GSDME: variants seen among roughly 807,000 people sequenced by gnomAD.
GSDME encodes the protein gasdermin E, also known as gasdermin-E.
In GSDME, 44 loss-of-function variants were observed where a neutral mutation model predicts 47.5. That is an observed-to-expected ratio of 0.93 (90% CI 0.73 to 1.19). GSDME has a LOEUF of 1.19. Among genes scored for constraint, GSDME ranks in the 50% most tolerant of loss-of-function variants. The probability of loss-of-function intolerance (pLI) is 0.00; values close to 1 mark genes in which losing one functional copy is unlikely to be tolerated. For missense variants in GSDME, 663 were observed against 604.2 expected (o/e 1.10, Z -1.02); for synonymous variants, 258 against 252.8 (o/e 1.02, Z -0.20).
Position 24,698,913 on chromosome 7 carries a change from T to TA in GSDME, c.*112dup, listed in dbSNP as rs1404467111. On this transcript the variant is annotated 3_prime_UTR_variant, in exon 10 of 10. Transcript: ENST00000645220. ...CATCATGCAAAATGTCACCACTTCTTAAACTGTTCTGTAAATTCATTTCAT... is the reference window on the plus strand; with the variant it reads ...CATCATGCAAAATGTCACCACTTCTTAAAACTGTTCTGTAAATTCATTTCAT... 6.1e-6 allele frequency: 5 copies of TA among 824,744 alleles called. No homozygotes were observed. Among genetic ancestry groups the TA allele is most frequent in the Non-Finnish European group, 8.2e-6 (4 of 487,710 alleles). The allele number at this position is 824,744 out of a possible 1,614,324, so 51.1% of individuals were successfully genotyped here.
chr7:24,747,821 C>T (rs1274160439), intron 2 of GSDME, among the ~76,000 whole-genome samples: 1 of 152,062 alleles, frequency 6.6e-6, no homozygotes, highest in Non-Finnish European at 1.5e-5. Context: ...GTGTATGCCA[C>T]CATGCCTGGC....
At position 24,726,307 on chromosome 7, in the gene GSDME, G is replaced by A. The variant is rs563369623; in HGVS notation, c.405-7089C>T. ...ACAATATCCAAAAGGAGGGAAGCAG[G>A]TTTCTTTACCAAAGCATAAAGGAGG... On this transcript the variant is annotated intron_variant, in intron 3 of 9. Coordinates refer to ENST00000645220, the MANE Select transcript of GSDME (RefSeq NM_001127453.2). This position sits in a 1 kb window ranked among gnomAD's most constrained non-coding sequence, Gnocchi z 5.6. 6.6e-5 allele frequency among the ~76,000 whole-genome samples: 10 copies of A among 152,318 alleles called. No individual in the cohort carries two copies. Among genetic ancestry groups the A allele is most frequent in the African/African-American group, 2.4e-4 (10 of 41,574 alleles).
chr7:24,767,213 A>G, the GSDME span, among the ~76,000 whole-genome samples: 119 of 152,170 alleles, frequency 7.8e-4, 1 homozygote, highest in East Asian at 0.021. This position sits in a 1 kb window ranked among gnomAD's most constrained non-coding sequence, Gnocchi z 5.3. Flanking sequence ...AATCCCAGCT[A>G]CTCAGGAGGC....
the GSDME span, among the ~76,000 whole-genome samples, chr7:24,779,787 G>C: frequency 6.6e-6 from 1 of 152,162 alleles, no homozygotes; most frequent in Admixed American, 6.5e-5. This position sits in a 1 kb window ranked among gnomAD's most constrained non-coding sequence, Gnocchi z 6.0. Flanking sequence ...CTTGGCCTCA[G>C]GATGACTGCA....
chr7:24,744,549 C>G lies in GSDME; in HGVS notation c.404+13G>C, dbSNP rs1328266400. 1.1e-5 allele frequency: 18 copies of G among 1,613,982 alleles called. No homozygotes were observed. Among genetic ancestry groups the G allele is most frequent in the Non-Finnish European group, 1.5e-5 (18 of 1,180,022 alleles). ...ATGTGTCAAAATCCAAAATGCCAAACAAGTCTCCTTACCTCTCGGCAGAGT... is the reference window on the plus strand; with the variant it reads ...ATGTGTCAAAATCCAAAATGCCAAAGAAGTCTCCTTACCTCTCGGCAGAGT... On this transcript the variant is annotated intron_variant, in intron 3 of 9. Transcript: ENST00000645220. This position sits in a 1 kb window ranked among gnomAD's most constrained non-coding sequence, Gnocchi z 4.5.
At chr7:24,700,875 G>C (rs752699350) in intron 9 of GSDME, among the ~76,000 whole-genome samples, 15 of 152,196 alleles carry the variant, frequency 9.9e-5, no homozygotes, top group African/African-American at 2.9e-4. Flanking sequence ...TGGTGGATGA[G>C]AGCTGTGCAG....
intron 3 of GSDME, among the ~76,000 whole-genome samples, chr7:24,738,282 G>A (rs1034175607): frequency 7.9e-5 from 12 of 152,140 alleles, no homozygotes; most frequent in African/African-American, 2.7e-4. Context: ...TAAAGTTGTA[G>A]GATATAAAAT....
rs1194752768 is a variant in GSDME, at chr7:24,705,450, CTA to C, written c.1183+732_1183+733del. The C allele has an allele frequency of 3.2e-5, 5 of 154,620 alleles. No homozygotes were observed. The East Asian group carries it at 7.7e-4, about 24-fold the overall frequency. 9.6% of individuals were successfully genotyped at this position (154,620 alleles called of 1,614,324 possible). ...GGAGGAACCCTGAATGTATCAGAAACTATGTGTCCTGACTAGTGTCACCATGA... is the reference window on the plus strand; with the variant it reads ...GGAGGAACCCTGAATGTATCAGAAACTGTGTCCTGACTAGTGTCACCATGA... On this transcript the variant is annotated intron_variant, in intron 8 of 9. Coordinates refer to ENST00000645220, the MANE Select transcript of GSDME (RefSeq NM_001127453.2). This position sits in a 1 kb window ranked among gnomAD's most constrained non-coding sequence, Gnocchi z 4.1.
intron 1 of GSDME, among the ~76,000 whole-genome samples, chr7:24,753,833 A>G (rs186668360): frequency 6.6e-6 from 1 of 152,362 alleles, no homozygotes; most frequent in East Asian, 1.9e-4. Flanking sequence ...AATGTTTGAT[A>G]TAATAAATCT....
In GSDME at chr7:24,714,287, A is replaced by AT. The variant is rs1181107220; in HGVS notation, c.697+2966dup. Among the ~76,000 whole-genome samples the AT allele has an allele frequency of 2.0e-5, 3 of 152,128 alleles. No homozygotes were observed. The highest frequency in any genetic ancestry group is 4.4e-5 in the Non-Finnish European group (3 of 68,026). On this transcript the variant is annotated intron_variant, in intron 5 of 9. Coordinates refer to ENST00000645220, the MANE Select transcript of GSDME (RefSeq NM_001127453.2). The surrounding 1 kb of genome is among the most constrained non-coding windows in gnomAD (Gnocchi z 5.0). ...TTCGAGGTTTCAAAGGACGACCAGG[A>AT]TCTCTGTCAAATGCAATCCCACCAG...
chr7:24,785,620 T>C, the GSDME span, among the ~76,000 whole-genome samples: 1 of 152,172 alleles, frequency 6.6e-6, no homozygotes, highest in Non-Finnish European at 1.5e-5. Context: ...CATGCCCGGC[T>C]AATTTTTTTG....
At chr7:24,707,877 AT>A (rs1789180998) in intron 7 of GSDME, 1 of 482,560 alleles carries the variant, frequency 2.1e-6, no homozygotes, top group Non-Finnish European at 3.8e-6. Context: ...CTCCAAAACT[AT>A]GAGAGAATAA....
At chr7:24,703,013 G>C (rs1788937938) in intron 8 of GSDME, 180 bp from the exon 9 acceptor site, 5 of 568,812 alleles carry the variant, frequency 8.8e-6, no homozygotes, top group Admixed American at 2.3e-5. Flanking sequence ...AGACCTTGTA[G>C]AAAACAGATG....
At chr7:24,795,060 G>A in the GSDME span, among the ~76,000 whole-genome samples, 12,960 of 152,238 alleles carry the variant, frequency 0.085, 770 homozygotes, top group Non-Finnish European at 0.13. Flanking sequence ...CCACTCAGAT[G>A]GAGTGGGCAA....
Position 24,716,909 on chromosome 7 carries a change from T to C in GSDME, c.697+345A>G, listed in dbSNP as rs1584066545. ...ATTCAGCAACTTGCCTGAGACCTCA[T>C]AGGACATCATGGCACCGGGGTTGAT... On this transcript the variant is annotated intron_variant, in intron 5 of 9. Transcript: ENST00000645220. The surrounding 1 kb of genome is among the most constrained non-coding windows in gnomAD (Gnocchi z 4.5). 2 of 366,262 alleles carry C rather than the reference T, an allele frequency of 5.5e-6. No homozygotes were observed. Among genetic ancestry groups the C allele is most frequent in the Non-Finnish European group, 5.3e-6 (1 of 187,986 alleles). 22.7% of individuals were successfully genotyped at this position (366,262 alleles called of 1,614,324 possible).
At chr7:24,794,508 A>C in the GSDME span, among the ~76,000 whole-genome samples, 1 of 152,150 alleles carries the variant, frequency 6.6e-6, no homozygotes, top group Non-Finnish European at 1.5e-5. Flanking sequence ...AACCAGCTGC[A>C]ACCACGTATC....
intron 3 of GSDME, among the ~76,000 whole-genome samples, chr7:24,737,412 C>T (rs772039267): frequency 2.9e-4 from 44 of 151,724 alleles, no homozygotes; most frequent in Non-Finnish European, 5.0e-4. Flanking sequence ...GAATAAATTC[C>T]TAGACACAAA....
At chr7:24,702,548 A>G (rs1788911871) in intron 9 of GSDME, 7 of 520,156 alleles carry the variant, frequency 1.3e-5, no homozygotes, top group Non-Finnish European at 2.6e-5. Context: ...CCTGCTAACA[A>G]GTTATTTGGA....
chr7:24,751,948 C>T (rs1790872969), intron 1 of GSDME, among the ~76,000 whole-genome samples: 1 of 152,122 alleles, frequency 6.6e-6, no homozygotes, highest in African/African-American at 2.4e-5. Context: ...AGGGAAAGAA[C>T]CAAGAAAAAG....
Sources: allele counts gnomAD v4.1 joint callset (sites outside exome capture counted in the v4.1 genomes callset), GRCh38; gene constraint gnomAD v4.1.1; non-coding constraint Gnocchi (gnomAD v3.1); transcripts MANE v1.5; gene names NCBI Gene and HGNC (gene_info 2026-07-23, HGNC 2026-07-21).